MME: variants seen among roughly 807,000 people sequenced by gnomAD.
The protein encoded by MME is neprilysin.
In MME, 98 loss-of-function variants were observed where a neutral mutation model predicts 113.2. That is an observed-to-expected ratio of 0.87 (90% CI 0.74 to 1.02). The LOEUF is 1.02. Among genes scored for constraint, MME ranks in the 50% least tolerant of loss-of-function variants. The probability of loss-of-function intolerance (pLI) is 0.00; values close to 1 mark genes in which losing one functional copy is unlikely to be tolerated. For missense variants in MME, 836 were observed against 896.0 expected (o/e 0.93, Z 0.86); for synonymous variants, 292 against 300.6 (o/e 0.97, Z 0.30).
rs556954858 is a variant in MME, at chr3:155,128,455, G to A, written c.720+9644G>A. ...TTGCTTCATGAACAAAAAATGGTGC[G>A]AAGTGTAGAATAACAAGTTTACCTT... On this transcript the variant is annotated intron_variant, in intron 8 of 22. Transcript: ENST00000360490. 2.6e-5 allele frequency among the ~76,000 whole-genome samples: 4 copies of A among 152,124 alleles called. No individual in the cohort carries two copies. The East Asian group carries it at 5.8e-4, about 22-fold the overall frequency.
intron 1 of MME, 47 bp from the exon 2 acceptor site, chr3:155,084,110 CT>C: frequency 6.9e-7 from 1 of 1,442,304 alleles, no homozygotes; most frequent in Non-Finnish European, 9.7e-7. Flanking sequence ...TGGACATTTT[CT>C]TTTTTATTTA....
At chr3:155,069,305 GC>G (rs1211307720) in intron 1 of MME, among the ~76,000 whole-genome samples, 3 of 152,216 alleles carry the variant, frequency 2.0e-5, no homozygotes, top group Non-Finnish European at 4.4e-5. Context: ...TGTTGTAGAA[GC>G]TAAGAGAACT....
At chr3:155,050,316 A>G (rs1312770410) in intron 1 of MME, among the ~76,000 whole-genome samples, 1 of 152,160 alleles carries the variant, frequency 6.6e-6, no homozygotes, top group Non-Finnish European at 1.5e-5. Context: ...TGTCTTTATG[A>G]TAGAATAATC....
At chr3:155,062,592 T>C (rs1714184558) in intron 1 of MME, among the ~76,000 whole-genome samples, 1 of 151,846 alleles carries the variant, frequency 6.6e-6, no homozygotes, top group Non-Finnish European at 1.5e-5. Flanking sequence ...CACATGAGAA[T>C]AAAAAAGAAC....
intron 16 of MME, chr3:155,158,942 G>A (rs917726289): frequency 6.6e-6 from 1 of 151,900 alleles, no homozygotes; most frequent in African/African-American, 2.4e-5. Context: ...GAAGAAACAT[G>A]TTGATCAATC....
rs904306785 is a variant in MME at position 155,114,930 on chromosome 3, C to T, written c.197-64C>T. 3.1e-5 allele frequency: 48 copies of T among 1,544,888 alleles called. No individual in the cohort carries two copies. The African/African-American group carries it at 6.3e-4, about 20-fold the overall frequency. ...TCAAAAGGGAGCAATAAGCCTTTTT[C>T]TCCTTTTAAGCCTCTTAAGAAATAA... On this transcript the variant is annotated intron_variant, in intron 3 of 22. Coordinates refer to ENST00000360490, the MANE Select transcript of MME (RefSeq NM_007289.4).
intron 1 of MME, among the ~76,000 whole-genome samples, chr3:155,072,077 C>T (rs2108145114): frequency 7.0e-6 from 1 of 143,516 alleles, no homozygotes; most frequent in African/African-American, 2.5e-5. Flanking sequence ...AGGAGAATGG[C>T]ATGAACCCGG....
chr3:155,136,255 T>C (rs1187158877), intron 8 of MME, among the ~76,000 whole-genome samples: 1 of 152,198 alleles, frequency 6.6e-6, no homozygotes, highest in Non-Finnish European at 1.5e-5. Flanking sequence ...ATTTTGCCTA[T>C]CCAGTATGAT....
At chr3:155,029,331 AT>A (rs1559886262) in intron 1 of MME, among the ~76,000 whole-genome samples, 2 of 151,826 alleles carry the variant, frequency 1.3e-5, no homozygotes, top group South Asian at 2.1e-4. Context: ...TTCTTAAAAA[AT>A]TTTTTTCTAT....
At chr3:155,072,236 C>T (rs1462352894) in intron 1 of MME, among the ~76,000 whole-genome samples, 1 of 151,690 alleles carries the variant, frequency 6.6e-6, no homozygotes, top group Admixed American at 6.6e-5. Context: ...TGCCTCCATC[C>T]TTTCCCATCC....
intron 1 of MME, among the ~76,000 whole-genome samples, chr3:155,044,971 T>A (rs1405553721): frequency 6.6e-6 from 1 of 151,928 alleles, no homozygotes; most frequent in Non-Finnish European, 1.5e-5. Context: ...AATTTTAGTA[T>A]CTTTTTCTGC....
intron 1 of MME, among the ~76,000 whole-genome samples, chr3:155,025,145 T>C (rs917407806): frequency 6.6e-6 from 1 of 152,068 alleles, no homozygotes. Context: ...CACTCAAACC[T>C]CTTACTCTGG....
chr3:155,026,772 T>G (rs898776146), intron 1 of MME, among the ~76,000 whole-genome samples: 1 of 152,106 alleles, frequency 6.6e-6, no homozygotes, highest in African/African-American at 2.4e-5. Flanking sequence ...AAGAAGCCTC[T>G]TAAGTAATAC....
chr3:155,046,301 T>G lies in MME; in HGVS notation c.-11+21977T>G, dbSNP rs183544671. 2.6e-5 allele frequency among the ~76,000 whole-genome samples: 4 copies of G among 152,356 alleles called. No homozygotes were observed. The East Asian group carries it at 7.7e-4, about 29-fold the overall frequency. On this transcript the variant is annotated intron_variant, in intron 1 of 22. Transcript: ENST00000492661. ...TCCAGTAAGACTTTTAAAATTTGAA[T>G]ATATTATACAATCTTGTGCCACATA...
intron 3 of MME, 65 bp downstream of exon 3, chr3:155,085,159 A>G (rs1715565396): frequency 2.9e-6 from 3 of 1,045,938 alleles, no homozygotes; most frequent in Non-Finnish European, 2.9e-6. Flanking sequence ...ATTAAATGCT[A>G]ATCTTAATTT....
At chr3:155,167,448 T>G (rs1723185241) in intron 18 of MME, among the ~76,000 whole-genome samples, 1 of 152,080 alleles carries the variant, frequency 6.6e-6, no homozygotes, top group African/African-American at 2.4e-5. Flanking sequence ...GAGACCTTTT[T>G]TTTTTCGTCT....
Position 155,049,647 on chromosome 3 carries a change from C to T in MME, c.-11+25323C>T, listed in dbSNP as rs113437580. Among the ~76,000 whole-genome samples, 135 of 151,496 alleles carry T rather than the reference C, an allele frequency of 8.9e-4. 1 individual carries two copies. Among genetic ancestry groups the T allele is most frequent in the African/African-American group, 3.1e-3 (128 of 41,166 alleles). On this transcript the variant is annotated intron_variant, in intron 1 of 22. Coordinates refer to the MME transcript ENST00000492661. Reference sequence around the variant, plus strand: ...TTAGTATATCTATCTATCTATCTATCTATCTATCTATCTATCTATCTATCT... The same window carrying T: ...TTAGTATATCTATCTATCTATCTATTTATCTATCTATCTATCTATCTATCT...
At chr3:155,131,172 G>A (rs1470622058) in intron 8 of MME, among the ~76,000 whole-genome samples, 1 of 152,170 alleles carries the variant, frequency 6.6e-6, no homozygotes, top group African/African-American at 2.4e-5. Flanking sequence ...GATCAGAGAA[G>A]GCCACATGGT....
At chr3:155,170,054 T>TC (rs1246723731) in intron 20 of MME, among the ~76,000 whole-genome samples, 2 of 152,154 alleles carry the variant, frequency 1.3e-5, no homozygotes, top group African/African-American at 4.8e-5. Context: ...GCATTTTACC[T>TC]CTTTTTTTTG....
Sources: gnomAD v4.1 joint callset for allele counts (sites outside exome capture counted in the v4.1 genomes callset) on GRCh38, gnomAD v4.1.1 for gene constraint, MANE v1.5 for transcripts, NCBI Gene and HGNC (gene_info 2026-07-23, HGNC 2026-07-21) for gene names.